RAC1: variants seen among roughly 807,000 people sequenced by gnomAD.
The protein encoded by RAC1 is Rac family small GTPase 1.
Under a neutral mutation model 25.2 loss-of-function variants are expected in RAC1, and 2 were observed. The observed-to-expected ratio is 0.08, with a 90% CI of 0.03 to 0.25. RAC1 has a LOEUF of 0.25. Ranked by LOEUF, RAC1 falls within the 10% of genes least tolerant of loss-of-function variation. The pLI is 1.00. For synonymous variants in RAC1, 88 were observed against 94.0 expected (o/e 0.94, Z 0.37); for missense variants, 50 against 235.7 (o/e 0.21, Z 5.16).
chr7:6,400,979 C>T (rs1018685749), intron 4 of RAC1, among the ~76,000 whole-genome samples: 7 of 151,610 alleles, frequency 4.6e-5, no homozygotes, highest in African/African-American at 1.7e-4. Context: ...CCGGCTGAGA[C>T]AGAATCTTGC....
At chr7:6,396,351 C>T (rs750597328) in intron 3 of RAC1, among the ~76,000 whole-genome samples, 19 of 152,000 alleles carry the variant, frequency 1.3e-4, no homozygotes, top group Non-Finnish European at 1.2e-4. Flanking sequence ...CAGCGACGGC[C>T]GGGAGGAGGG....
At chr7:6,375,670 C>CG (rs979934301) in intron 1 of RAC1, among the ~76,000 whole-genome samples, 2 of 144,942 alleles carry the variant, frequency 1.4e-5, no homozygotes, top group Non-Finnish European at 3.0e-5. Flanking sequence ...TTCTTTCTTT[C>CG]TTTTTTTTTT....
chr7:6,382,389 G>A (rs539236880), intron 1 of RAC1, among the ~76,000 whole-genome samples: 7 of 152,294 alleles, frequency 4.6e-5, no homozygotes, highest in African/African-American at 1.4e-4. Context: ...TGAGATCAAC[G>A]TGTCTTTAAA....
intron 1 of RAC1, among the ~76,000 whole-genome samples, chr7:6,376,934 T>C (rs1037624556): frequency 2.0e-5 from 3 of 152,050 alleles, no homozygotes; most frequent in East Asian, 3.9e-4. Context: ...AAATAACTTG[T>C]TGAATGTCAT....
chr7:6,401,176 GA>G (rs1260243380), intron 4 of RAC1, among the ~76,000 whole-genome samples: 3 of 152,004 alleles, frequency 2.0e-5, no homozygotes, highest in Non-Finnish European at 4.4e-5. Context: ...GGCTGGTCTC[GA>G]ACCCCTGGCC....
At chr7:6,391,220 CTTTTT>C (rs111691263) in intron 2 of RAC1, among the ~76,000 whole-genome samples, 1 of 144,358 alleles carries the variant, frequency 6.9e-6, no homozygotes, top group African/African-American at 2.6e-5. Flanking sequence ...TATATTTTTC[CTTTTT>C]TTTTTTTTCT....
At chr7:6,384,609 C>T (rs146783800) in intron 1 of RAC1, among the ~76,000 whole-genome samples, 4 of 152,170 alleles carry the variant, frequency 2.6e-5, no homozygotes, top group African/African-American at 9.6e-5. Flanking sequence ...TCCTGAGTAG[C>T]TGGGACTACA....
In RAC1 at chr7:6,402,107, A is replaced by T. The variant is rs1274658227; in HGVS notation, c.448+80A>T. On this transcript the variant is annotated intron_variant, in intron 5 of 5. Transcript: ENST00000348035. ...AGACTGGAGTCCAGTCTGGGAAAGG[A>T]GGGTGTGTGTCTCCCACTCAGGGCC... is the stretch of plus-strand genomic sequence containing the variant. The T allele has an allele frequency of 2.0e-6, 3 of 1,518,084 alleles. No homozygotes were observed. The African/African-American group carries it at 4.1e-5, about 21-fold the overall frequency. The allele number at this position is 1,518,084 out of a possible 1,614,324, so 94.0% of individuals were successfully genotyped here.
chr7:6,386,968 G>A (rs917700936), intron 1 of RAC1, among the ~76,000 whole-genome samples: 20 of 151,440 alleles, frequency 1.3e-4, no homozygotes, highest in African/African-American at 4.9e-4. Flanking sequence ...CTAACACCGG[G>A]TACCTAAACA....
intron 1 of RAC1, among the ~76,000 whole-genome samples, chr7:6,383,208 C>T (rs943289352): frequency 4.6e-5 from 7 of 152,212 alleles, no homozygotes; most frequent in Admixed American, 1.3e-4. Flanking sequence ...GGCTTCCATT[C>T]TTCATGAGGG....
intron 3 of RAC1, among the ~76,000 whole-genome samples, chr7:6,399,585 C>CG (rs1783341490): frequency 6.6e-6 from 1 of 152,150 alleles, no homozygotes; most frequent in Non-Finnish European, 1.5e-5. Flanking sequence ...TCTAGGGCAG[C>CG]GTGAGGGTGG....
chr7:6,387,348 G>GT (rs1382686092), intron 2 of RAC1, 65 bp downstream of exon 2: 17 of 1,210,034 alleles, frequency 1.4e-5, no homozygotes, highest in Non-Finnish European at 1.9e-5. Flanking sequence ...TTGACCATTT[G>GT]TTTTGCTGTA....
intron 4 of RAC1, 87 bp downstream of exon 4, chr7:6,400,275 T>G: frequency 7.6e-7 from 1 of 1,319,254 alleles, no homozygotes; most frequent in Non-Finnish European, 1.1e-6. Flanking sequence ...GCCTAGGAAT[T>G]TTTAGTTATT....
intron 4 of RAC1, 61 bp downstream of exon 4, chr7:6,400,249 T>G: frequency 1.4e-6 from 2 of 1,438,212 alleles, no homozygotes; most frequent in Non-Finnish European, 2.0e-6. Context: ...AAATAAATAC[T>G]TTAAAATATC....
rs1783465462 is a variant in RAC1, at chr7:6,403,089, A to G, written c.*643A>G. The G allele has an allele frequency of 4.9e-6, 1 of 205,512 alleles. No homozygotes were observed. The highest frequency in any genetic ancestry group is 2.3e-5 in the African/African-American group (1 of 43,716). The allele number at this position is 205,512 out of a possible 1,614,324, so 12.7% of individuals were successfully genotyped here. A position where few individuals can be genotyped will look rare whatever the true frequency, so the allele number is the denominator to read the frequency against. ...TGCGGAGATTTTGAACAGAACTGCT[A>G]TTTCCTCTAATGAAGAATTCTGTTT... is the stretch of plus-strand genomic sequence containing the variant. On this transcript the variant is annotated 3_prime_UTR_variant, in exon 6 of 6. Coordinates refer to ENST00000348035, the MANE Select transcript of RAC1 (RefSeq NM_006908.5).
At chr7:6,374,861 C>T (rs1360289781) in intron 1 of RAC1, 91 bp downstream of exon 1, 13 of 1,001,436 alleles carry the variant, frequency 1.3e-5, no homozygotes, top group African/African-American at 1.7e-5. Context: ...GGCCGGCGTC[C>T]GCCGCGGTCT....
At position 6,382,947 on chromosome 7, in the gene RAC1, C is replaced by T. The variant is rs34527354; in HGVS notation, c.36-4265C>T. Reference sequence around the variant, plus strand: ...TTTGCTTTCATTGTGGTTATTTCTACAGGACAGGGCAGGGGAAGCACAGAT... The same window carrying T: ...TTTGCTTTCATTGTGGTTATTTCTATAGGACAGGGCAGGGGAAGCACAGAT... On this transcript the variant is annotated intron_variant, in intron 1 of 5. Transcript: ENST00000348035. 2.1e-3 allele frequency among the ~76,000 whole-genome samples: 318 copies of T among 152,260 alleles called. 2 individuals are homozygous for T. Among genetic ancestry groups the T allele is most frequent in the African/African-American group, 7.4e-3 (307 of 41,554 alleles).
chr7:6,391,673 C>A (rs936569404), intron 2 of RAC1: 2 of 472,590 alleles, frequency 4.2e-6, no homozygotes, highest in Non-Finnish European at 7.4e-6. Context: ...TTATTTCTGA[C>A]GGTGATTTGT....
At chr7:6,397,068 G>T (rs1435694558) in intron 3 of RAC1, among the ~76,000 whole-genome samples, 4 of 133,750 alleles carry the variant, frequency 3.0e-5, no homozygotes, top group African/African-American at 8.3e-5. Flanking sequence ...AAGAAACCCC[G>T]TCTCTACTAA....
Sources: gnomAD v4.1 joint callset for allele counts (sites outside exome capture counted in the v4.1 genomes callset) on GRCh38, gnomAD v4.1.1 for gene constraint, MANE v1.5 for transcripts, NCBI Gene and HGNC (gene_info 2026-07-23, HGNC 2026-07-21) for gene names.